The following WWOX variants were observed in gnomAD, a reference collection of about 807,000 sequenced individuals.
The protein encoded by WWOX is WW domain-containing oxidoreductase.
In WWOX, 69 loss-of-function variants were observed where a neutral mutation model predicts 46.2. The observed-to-expected ratio is 1.49, with a 90% CI of 1.23 to 1.82. The LOEUF (loss-of-function observed/expected upper bound fraction) is 1.82. Ranked by LOEUF, WWOX falls within the 40% of genes most tolerant of loss-of-function variation. The pLI, the probability that WWOX is intolerant of heterozygous loss-of-function variation, is 0.00. For missense variants in WWOX, 919 were observed against 542.6 expected (o/e 1.69, Z -6.89); for synonymous variants, 359 against 202.6 (o/e 1.77, Z -6.56).
intron 8 of WWOX, among the ~76,000 whole-genome samples, chr16:78,685,533 A>G (rs1383144491): frequency 6.6e-6 from 1 of 152,342 alleles, no homozygotes. Flanking sequence ...AAATGCAAAA[A>G]TAGCCCCCAA....
chr16:78,531,281 G>C (rs1203782680), intron 8 of WWOX, among the ~76,000 whole-genome samples: 2 of 152,144 alleles, frequency 1.3e-5, no homozygotes, highest in African/African-American at 2.4e-5. Context: ...TCCATTCTCC[G>C]AGATGGATGG....
At chr16:78,484,930 G>A (rs576453780) in intron 8 of WWOX, among the ~76,000 whole-genome samples, 7 of 152,088 alleles carry the variant, frequency 4.6e-5, no homozygotes, top group African/African-American at 1.4e-4. Flanking sequence ...CGGGCTGTTT[G>A]TGTACTACAC....
chr16:78,529,568 G>C (rs2043568801), intron 8 of WWOX, among the ~76,000 whole-genome samples: 1 of 152,100 alleles, frequency 6.6e-6, no homozygotes, highest in African/African-American at 2.4e-5. Flanking sequence ...TCGAGTTCAA[G>C]CGATTCTTCT....
intron 4 of WWOX, among the ~76,000 whole-genome samples, chr16:78,125,752 A>G (rs28626086): frequency 0.012 from 1,881 of 152,262 alleles, 38 homozygotes; most frequent in African/African-American, 0.043. Context: ...CCACTTTGGT[A>G]TTATGATTGT....
chr16:78,820,260 A>C (rs2051457089), intron 8 of WWOX, among the ~76,000 whole-genome samples: 1 of 152,142 alleles, frequency 6.6e-6, no homozygotes, highest in Non-Finnish European at 1.5e-5. Flanking sequence ...CAAAGAGCCA[A>C]ATTTGCAGTA....
intron 8 of WWOX, among the ~76,000 whole-genome samples, chr16:78,541,473 CAAAAAAAAAAAAAAAAAAAA>C (rs59900108): frequency 2.4e-3 from 109 of 45,172 alleles, no homozygotes; most frequent in African/African-American, 0.011. Context: ...GACTCCGTCT[CAAAAAAAAAAAAAAAAAAAA>C]AAAAAAAAAA....
intron 8 of WWOX, among the ~76,000 whole-genome samples, chr16:78,667,246 G>C (rs540947018): frequency 4.0e-4 from 61 of 152,300 alleles, no homozygotes; most frequent in Non-Finnish European, 7.9e-4. Context: ...CCTCGTAGCA[G>C]ACTATCTTTC....
At chr16:78,574,999 T>TTATATATATATATATATATAAA (rs2044814581) in intron 8 of WWOX, among the ~76,000 whole-genome samples, 1 of 37,036 alleles carries the variant, frequency 2.7e-5, no homozygotes, top group Non-Finnish European at 6.0e-5. Flanking sequence ...TATTTTTCAA[T>TTATATATATATATATATATAAA]TATATATATA....
At chr16:78,884,813 C>G (rs746808700) in intron 8 of WWOX, among the ~76,000 whole-genome samples, 3 of 152,106 alleles carry the variant, frequency 2.0e-5, no homozygotes, top group African/African-American at 4.8e-5. Flanking sequence ...ATATTTTACT[C>G]TAACAAAAAG....
intron 8 of WWOX, among the ~76,000 whole-genome samples, chr16:78,762,302 G>C (rs1281558057): frequency 6.6e-6 from 1 of 152,170 alleles, no homozygotes; most frequent in Non-Finnish European, 1.5e-5. Flanking sequence ...AGCAGCTTCA[G>C]CATCTGCTGA....
Position 78,602,606 on chromosome 16 carries a change from A to G in WWOX, c.1056+169854A>G, listed in dbSNP as rs184355571. 1.9e-3 allele frequency among the ~76,000 whole-genome samples: 282 copies of G among 152,312 alleles called. 1 individual carries two copies. Among genetic ancestry groups the G allele is most frequent in the African/African-American group, 5.9e-3 (244 of 41,576 alleles). On this transcript the variant is annotated intron_variant, in intron 8 of 8. Coordinates refer to ENST00000566780, the MANE Select transcript of WWOX (RefSeq NM_016373.4). ...AGCATCATCCCTTTCCATGCAAAAG[A>G]TAAACTGAAATCTAAAGTAGCCATA...
intron 8 of WWOX, among the ~76,000 whole-genome samples, chr16:78,597,760 G>GTGTA (rs922166861): frequency 2.6e-3 from 380 of 144,902 alleles, no homozygotes; most frequent in East Asian, 6.8e-3. Flanking sequence ...ATTTATATGT[G>GTGTA]TATATATATA....
chr16:78,381,249 T>A (rs993743879), intron 5 of WWOX, among the ~76,000 whole-genome samples: 1 of 152,204 alleles, frequency 6.6e-6, no homozygotes, highest in African/African-American at 2.4e-5. Flanking sequence ...ATACTAGAGA[T>A]CACTGTTGCA....
At chr16:78,854,485 T>C (rs150107448) in intron 8 of WWOX, among the ~76,000 whole-genome samples, 72 of 152,388 alleles carry the variant, frequency 4.7e-4, no homozygotes, top group Middle Eastern at 3.4e-3. Context: ...GTTAATATTT[T>C]ACTTCTGCCT....
intron 8 of WWOX, among the ~76,000 whole-genome samples, chr16:78,767,252 C>G (rs2049945188): frequency 6.6e-6 from 1 of 152,046 alleles, no homozygotes; most frequent in Non-Finnish European, 1.5e-5. Context: ...TCCCAAGGAG[C>G]TAGAGGTGCA....
intron 8 of WWOX, among the ~76,000 whole-genome samples, chr16:78,904,932 C>G (rs1309929956): frequency 6.6e-6 from 1 of 152,152 alleles, no homozygotes; most frequent in Non-Finnish European, 1.5e-5. Flanking sequence ...GTTGGTGCCC[C>G]TGTTGGTTTT....
chr16:78,590,364 G>T (rs1158136974), intron 8 of WWOX, among the ~76,000 whole-genome samples: 1 of 152,154 alleles, frequency 6.6e-6, no homozygotes, highest in Non-Finnish European at 1.5e-5. Context: ...GAATCTGAAA[G>T]TGTTATAGTA....
chr16:78,894,146 C>T (rs1408750656), intron 8 of WWOX, among the ~76,000 whole-genome samples: 1 of 151,794 alleles, frequency 6.6e-6, no homozygotes, highest in African/African-American at 2.4e-5. Flanking sequence ...TCAAGCAATC[C>T]TCCCACCTCA....
chr16:78,163,222 C>G (rs908708448), intron 4 of WWOX, among the ~76,000 whole-genome samples: 1 of 152,088 alleles, frequency 6.6e-6, no homozygotes, highest in Admixed American at 6.6e-5. Context: ...ATAATGGTAT[C>G]TTCCTCCAGA....
Sources: allele counts gnomAD v4.1 joint callset (sites outside exome capture counted in the v4.1 genomes callset), GRCh38; gene constraint gnomAD v4.1.1; transcripts MANE v1.5; gene names NCBI Gene and HGNC (gene_info 2026-07-23, HGNC 2026-07-21).